FSTL4: variants seen among roughly 807,000 people sequenced by gnomAD.
The protein encoded by FSTL4 is follistatin like 4, also known as follistatin-related protein 4.
Under a neutral mutation model 78.2 loss-of-function variants are expected in FSTL4, and 28 were observed. That is an observed-to-expected ratio of 0.36 (90% CI 0.27 to 0.49). The LOEUF is 0.49. Ranked by LOEUF, FSTL4 falls within the 20% of genes least tolerant of loss-of-function variation. The pLI is 0.98. For synonymous variants in FSTL4, 422 were observed against 440.5 expected, an observed-to-expected ratio of 0.96 and a Z score of 0.53; for missense variants, 922 against 1,084.9, an observed-to-expected ratio of 0.85 and a Z score of 2.11.
At chr5:133,205,173 A>ATGTT (rs1198519136) in intron 14 of FSTL4, among the ~76,000 whole-genome samples, 1 of 152,158 alleles carries the variant, frequency 6.6e-6, no homozygotes, top group African/African-American at 2.4e-5. Context: ...TTCTATTCCT[A>ATGTT]TGTTTAGGCT....
chr5:133,443,709 AC>A (rs1402349075), intron 3 of FSTL4, among the ~76,000 whole-genome samples: 1 of 152,096 alleles, frequency 6.6e-6, no homozygotes, highest in Admixed American at 6.6e-5. Context: ...TCACTCACTC[AC>A]TAGTGGGTCA....
intron 6 of FSTL4, among the ~76,000 whole-genome samples, chr5:133,275,576 A>AAAG (rs1191314955): frequency 6.6e-6 from 1 of 152,030 alleles, no homozygotes; most frequent in Non-Finnish European, 1.5e-5. Flanking sequence ...AACAAAAAAA[A>AAAG]AAGGAATTTC....
the FSTL4 span, among the ~76,000 whole-genome samples, chr5:133,786,325 A>G: frequency 2.6e-5 from 4 of 152,238 alleles, no homozygotes; most frequent in African/African-American, 9.6e-5. Context: ...TTCATGGGCC[A>G]AAACGGAGGC....
chr5:133,719,921 T>C, the FSTL4 span, among the ~76,000 whole-genome samples: 1 of 152,182 alleles, frequency 6.6e-6, no homozygotes, highest in Non-Finnish European at 1.5e-5. Flanking sequence ...GCTATTTTTC[T>C]TCCTAGAGTT....
chr5:133,633,847 C>T, the FSTL4 span, among the ~76,000 whole-genome samples: 5 of 151,506 alleles, frequency 3.3e-5, no homozygotes, highest in East Asian at 1.9e-4. Context: ...ACTTAGTGTC[C>T]GTTGAACTGA....
intron 3 of FSTL4, among the ~76,000 whole-genome samples, chr5:133,404,973 G>A (rs745991689): frequency 2.6e-5 from 4 of 152,124 alleles, no homozygotes; most frequent in South Asian, 2.1e-4. Context: ...GAAAACCCAC[G>A]AGCTCTTCCA....
chr5:133,599,120 C>T (rs935907177), intron 2 of FSTL4, among the ~76,000 whole-genome samples: 4 of 152,096 alleles, frequency 2.6e-5, no homozygotes, highest in African/African-American at 9.7e-5. Context: ...GGGTGAGGGA[C>T]ACTAGCGTTA....
intron 4 of FSTL4, among the ~76,000 whole-genome samples, chr5:133,363,380 C>G (rs1755111718): frequency 6.6e-6 from 1 of 152,010 alleles, no homozygotes; most frequent in Non-Finnish European, 1.5e-5. Context: ...GTAGCCCCCT[C>G]AATCCTTGTT....
At chr5:133,814,012 A>G in the FSTL4 span, among the ~76,000 whole-genome samples, 1 of 152,152 alleles carries the variant, frequency 6.6e-6, no homozygotes, top group South Asian at 2.1e-4. Flanking sequence ...GACTCCTACA[A>G]CTCGCTAATT....
the FSTL4 span, among the ~76,000 whole-genome samples, chr5:133,840,125 C>T: frequency 6.6e-6 from 1 of 152,188 alleles, no homozygotes; most frequent in Non-Finnish European, 1.5e-5. Context: ...TCATTACAGG[C>T]ATTGCTGCCT....
At chr5:133,258,959 C>A (rs1752448330) in intron 6 of FSTL4, among the ~76,000 whole-genome samples, 1 of 152,186 alleles carries the variant, frequency 6.6e-6, no homozygotes, top group Admixed American at 6.5e-5. Context: ...AGAATACCTT[C>A]TGTACAGGGA....
At chr5:133,777,349 A>G in the FSTL4 span, among the ~76,000 whole-genome samples, 1 of 152,244 alleles carries the variant, frequency 6.6e-6, no homozygotes, top group African/African-American at 2.4e-5. Flanking sequence ...ATGGACTGGA[A>G]GGAAATGCAC....
chr5:133,690,292 C>T, the FSTL4 span, among the ~76,000 whole-genome samples: 2 of 152,136 alleles, frequency 1.3e-5, no homozygotes, highest in Non-Finnish European at 2.9e-5. Context: ...CCTGCCCAGC[C>T]TTCTCTGGAT....
At chr5:133,682,448 T>C in the FSTL4 span, among the ~76,000 whole-genome samples, 1 of 152,152 alleles carries the variant, frequency 6.6e-6, no homozygotes, top group Admixed American at 6.5e-5. Context: ...TGTAACCCAG[T>C]GGGTATGGAA....
At chr5:133,674,321 A>G in the FSTL4 span, among the ~76,000 whole-genome samples, 14 of 152,272 alleles carry the variant, frequency 9.2e-5, no homozygotes, top group Non-Finnish European at 5.9e-5. Context: ...CCCACCTACT[A>G]CAAAGCTTTT....
chr5:133,789,514 T>A, the FSTL4 span, among the ~76,000 whole-genome samples: 1 of 152,098 alleles, frequency 6.6e-6, no homozygotes, highest in Non-Finnish European at 1.5e-5. Context: ...AAAGTAGAAG[T>A]CCCTTAAAGG....
the FSTL4 span, among the ~76,000 whole-genome samples, chr5:133,657,262 G>T: frequency 1.3e-5 from 2 of 152,178 alleles, no homozygotes; most frequent in Non-Finnish European, 2.9e-5. Context: ...GCATTGAGTG[G>T]CACATAGTTT....
intron 8 of FSTL4, among the ~76,000 whole-genome samples, chr5:133,229,620 G>A (rs1751430792): frequency 6.6e-6 from 1 of 152,178 alleles, no homozygotes; most frequent in Non-Finnish European, 1.5e-5. Context: ...AAAAAAGGGA[G>A]TGATTGTCAT....
intron 4 of FSTL4, among the ~76,000 whole-genome samples, chr5:133,364,242 T>G (rs1755130525): frequency 6.6e-6 from 1 of 151,390 alleles, no homozygotes; most frequent in Non-Finnish European, 1.5e-5. Flanking sequence ...TTTCTGAAAG[T>G]CCAGGTCTCC....
Sources: allele counts gnomAD v4.1 joint callset (sites outside exome capture counted in the v4.1 genomes callset), GRCh38; gene constraint gnomAD v4.1.1; transcripts MANE v1.5; gene names NCBI Gene and HGNC (gene_info 2026-07-23, HGNC 2026-07-21).